PPP4R3B: variants seen among roughly 807,000 people sequenced by gnomAD.
The protein encoded by PPP4R3B is serine/threonine-protein phosphatase 4 regulatory subunit 3B.
PPP4R3B carries 52 observed loss-of-function variants against 95.4 expected under a neutral mutation model. The observed-to-expected ratio is 0.54, with a 90% CI of 0.44 to 0.69. PPP4R3B has a LOEUF of 0.69. Among genes scored for constraint, PPP4R3B ranks in the 30% least tolerant of loss-of-function variants. The pLI is 0.00. For synonymous variants in PPP4R3B, 407 were observed against 343.9 expected, an observed-to-expected ratio of 1.18 and a Z score of -2.03; for missense variants, 1,003 against 1,005.9, an observed-to-expected ratio of 1.00 and a Z score of 0.04.
At chr2:55,606,172 C>G (rs1265743308) in intron 2 of PPP4R3B, among the ~76,000 whole-genome samples, 1 of 152,054 alleles carries the variant, frequency 6.6e-6, no homozygotes. Context: ...ACATTTTTGA[C>G]TGCAGTTTAA....
chr2:55,607,716 C>A (rs971348836), intron 2 of PPP4R3B, among the ~76,000 whole-genome samples: 9 of 152,254 alleles, frequency 5.9e-5, no homozygotes, highest in African/African-American at 1.9e-4. Context: ...GATTAATAAA[C>A]CCTCAGCCCC....
intron 4 of PPP4R3B, among the ~76,000 whole-genome samples, chr2:55,597,741 C>T (rs6736996): frequency 0.14 from 20,605 of 152,060 alleles, 2,841 homozygotes; most frequent in African/African-American, 0.35. Flanking sequence ...GCAGAGGTTG[C>T]GGCGAGCTGA....
intron 13 of PPP4R3B, among the ~76,000 whole-genome samples, chr2:55,566,528 T>A (rs1687315359): frequency 6.6e-6 from 1 of 152,220 alleles, no homozygotes; most frequent in African/African-American, 2.4e-5. Context: ...TTCCTTCTTT[T>A]ACCAGGTTAA....
chr2:55,564,852 ATT>A (rs1299638941), intron 14 of PPP4R3B, 48 bp downstream of exon 14: 1 of 1,580,230 alleles, frequency 6.3e-7, no homozygotes, highest in Non-Finnish European at 8.6e-7. Context: ...ACTACAAACA[ATT>A]TTGGACACAG....
At chr2:55,589,291 AC>A (rs1403563327) in intron 4 of PPP4R3B, among the ~76,000 whole-genome samples, 1 of 152,234 alleles carries the variant, frequency 6.6e-6, no homozygotes, top group Non-Finnish European at 1.5e-5. Context: ...CTTAATTTAA[AC>A]ATAATTCAAA....
Position 55,578,267 on chromosome 2 carries a change from G to C in PPP4R3B, c.1544C>G (p.Pro515Arg), listed in dbSNP as rs916300838. ...CATACCTTGAGAGATGGAGGAAGAG[G>C]GGGTAGAATGGGAATGGGAATGTGA... ...TPSHSHSHST[P>R]SSSISQDNIV... The change falls in exon 10 of 17, where the codon CCC (proline) becomes CGC (arginine). Residue 515 changes from proline (P) to arginine (R), a missense_variant. Physicochemically the swap from Pro to Arg is moderately radical, Grantham distance 103. Coordinates refer to ENST00000616407, the MANE Select transcript of PPP4R3B (RefSeq NM_001122964.3). 1.4e-6 allele frequency: 2 copies of C among 1,475,124 alleles called. No homozygotes were observed. Among genetic ancestry groups the C allele is most frequent in the Non-Finnish European group, 1.8e-6 (2 of 1,110,078 alleles). The allele number at this position is 1,475,124 out of a possible 1,614,324, so 91.4% of individuals were successfully genotyped here.
intron 11 of PPP4R3B, among the ~76,000 whole-genome samples, chr2:55,575,031 G>A (rs1453093957): frequency 6.1e-5 from 9 of 146,954 alleles, no homozygotes; most frequent in Non-Finnish European, 8.9e-5. Context: ...TCCGCCTCCC[G>A]GGTTCACGCC....
At chr2:55,608,189 G>C (rs1457136538) in intron 2 of PPP4R3B, among the ~76,000 whole-genome samples, 1 of 152,148 alleles carries the variant, frequency 6.6e-6, no homozygotes, top group African/African-American at 2.4e-5. Flanking sequence ...ATTTTTAGTA[G>C]AGACAGGGTT....
chr2:55,613,445 G>T (rs1026415561), intron 2 of PPP4R3B, among the ~76,000 whole-genome samples: 1 of 151,730 alleles, frequency 6.6e-6, no homozygotes, highest in Non-Finnish European at 1.5e-5. Flanking sequence ...TTTCCAAATG[G>T]TGTAATTTTT....
chr2:55,581,901 G>A (rs1276155848), intron 7 of PPP4R3B, among the ~76,000 whole-genome samples: 5 of 148,270 alleles, frequency 3.4e-5, no homozygotes, highest in East Asian at 2.0e-4. Context: ...ATCCCACTCC[G>A]AGAAAAAAAA....
intron 4 of PPP4R3B, among the ~76,000 whole-genome samples, chr2:55,594,165 G>C (rs1386248533): frequency 6.6e-6 from 1 of 152,018 alleles, no homozygotes; most frequent in Admixed American, 6.6e-5. Flanking sequence ...GGATGGGAGA[G>C]GACTGAAGGT....
chr2:55,614,243 A>C (rs534171220), intron 2 of PPP4R3B: 7 of 152,304 alleles, frequency 4.6e-5, no homozygotes, highest in Non-Finnish European at 7.4e-5. Context: ...AATTTTCATA[A>C]ACCTTGAAGT....
intron 15 of PPP4R3B, among the ~76,000 whole-genome samples, chr2:55,559,956 T>C (rs1288976281): frequency 1.3e-5 from 2 of 152,134 alleles, no homozygotes; most frequent in East Asian, 3.9e-4. Flanking sequence ...ACCTATTCTC[T>C]ATTAAAAATA....
At chr2:55,592,831 T>C (rs1160059928) in intron 4 of PPP4R3B, among the ~76,000 whole-genome samples, 2 of 152,222 alleles carry the variant, frequency 1.3e-5, no homozygotes, top group African/African-American at 2.4e-5. Flanking sequence ...CTATAACTGT[T>C]TGTGCAGAAA....
intron 16 of PPP4R3B, among the ~76,000 whole-genome samples, chr2:55,557,999 G>A (rs750348148): frequency 3.3e-5 from 5 of 151,984 alleles, no homozygotes; most frequent in African/African-American, 7.3e-5. Flanking sequence ...AGATTCAAAA[G>A]GCTAATATTT....
intron 16 of PPP4R3B, among the ~76,000 whole-genome samples, chr2:55,553,443 GT>G: frequency 6.6e-6 from 1 of 152,222 alleles, no homozygotes; most frequent in Middle Eastern, 3.4e-3. Context: ...ATAAAGTCAA[GT>G]TTTTAAAGTG....
chr2:55,577,331 GT>G lies in PPP4R3B; in HGVS notation c.1589del (p.Asn530ThrfsTer17). On this transcript the variant is annotated frameshift_variant, in exon 11 of 17. Coordinates refer to ENST00000616407, the MANE Select transcript of PPP4R3B (RefSeq NM_001122964.3). LOFTEE classifies it high-confidence loss of function. ...CATACTTACCGGGACAAATTGTGTT[GT>G]TTTTGTTTGATCCAACTATATTATC... ...SQDNIVGSNK[N>X]NTICPDNYQT... 2 of 1,545,466 alleles carry G rather than the reference GT, an allele frequency of 1.3e-6. No individual in the cohort carries two copies. The highest frequency in any genetic ancestry group is 2.1e-5 in the Admixed American group (1 of 46,858).
intron 4 of PPP4R3B, among the ~76,000 whole-genome samples, chr2:55,597,762 T>C (rs1272690944): frequency 1.3e-5 from 2 of 152,022 alleles, no homozygotes; most frequent in African/African-American, 2.4e-5. Flanking sequence ...GATCATGCCA[T>C]TGCACTCCAG....
intron 3 of PPP4R3B, among the ~76,000 whole-genome samples, chr2:55,599,741 C>T (rs995044954): frequency 1.3e-5 from 2 of 152,174 alleles, no homozygotes; most frequent in African/African-American, 2.4e-5. Context: ...CTATCGTCAT[C>T]CCTTACAGCT....
Sources: allele counts gnomAD v4.1 joint callset (sites outside exome capture counted in the v4.1 genomes callset), GRCh38; gene constraint gnomAD v4.1.1; transcripts MANE v1.5; gene names NCBI Gene and HGNC (gene_info 2026-07-23, HGNC 2026-07-21).